BICD1: variants seen among roughly 807,000 people sequenced by gnomAD.
The protein encoded by BICD1 is protein bicaudal D homolog 1.
BICD1 carries 35 observed loss-of-function variants against 92.5 expected under a neutral mutation model. The ratio of observed to expected loss-of-function variants is 0.38; its 90% CI spans 0.29 to 0.50. The LOEUF (loss-of-function observed/expected upper bound fraction) is 0.50. Among genes scored for constraint, BICD1 ranks in the 20% least tolerant of loss-of-function variants. The pLI is 0.93. For missense variants in BICD1, 950 were observed against 1,189.8 expected (o/e 0.80, Z 2.97); for synonymous variants, 429 against 465.1 (o/e 0.92, Z 1.00).
chr12:32,372,530 A>G (rs150402320), intron 9 of BICD1, among the ~76,000 whole-genome samples: 19 of 152,330 alleles, frequency 1.2e-4, no homozygotes, highest in Admixed American at 3.9e-4. Flanking sequence ...ATATTCAAAC[A>G]GCTTTTAAGG....
At chr12:32,284,552 G>A (rs1199579468) in intron 2 of BICD1, among the ~76,000 whole-genome samples, 1 of 152,074 alleles carries the variant, frequency 6.6e-6, no homozygotes, top group East Asian at 1.9e-4. Context: ...CTTCTCTCAT[G>A]TTGGGCATTG....
At position 32,216,276 on chromosome 12, in the gene BICD1, G is replaced by A. The variant is rs759711369; in HGVS notation, c.243G>A (p.Arg81=). 1.1e-5 allele frequency: 17 copies of A among 1,613,814 alleles called. No individual in the cohort carries two copies. Among genetic ancestry groups the A allele is most frequent in the Non-Finnish European group, 1.4e-5 (16 of 1,179,994 alleles). ...TTGGGCAGTCCTTCTCCATCCACCG[G>A]AAGGTTGCTGAAGATGGAGAGACTC... The part of the protein sequence containing the change: ...EAFGQSFSIH[R]KVAEDGETRE... The change falls in exon 2 of 10, where the codon CGG becomes CGA. Residue 81 remains arginine (R), a synonymous_variant. Transcript: ENST00000652176.
chr12:32,187,750 G>A lies in BICD1; in HGVS notation c.214-28497G>A, dbSNP rs74803427. ...GGGACTCCAAAAGAAGGACAAAGATGTAAGAACTACCTATTGGGTACTATG... is the reference window on the plus strand; with the variant it reads ...GGGACTCCAAAAGAAGGACAAAGATATAAGAACTACCTATTGGGTACTATG... On this transcript the variant is annotated intron_variant, in intron 1 of 9. Coordinates refer to ENST00000652176, the MANE Select transcript of BICD1 (RefSeq NM_001714.4). Among the ~76,000 whole-genome samples, 4 of 152,324 alleles carry A rather than the reference G, an allele frequency of 2.6e-5. No individual in the cohort carries two copies. In the East Asian group the frequency reaches 7.7e-4, roughly 29 times the overall value.
intron 1 of BICD1, among the ~76,000 whole-genome samples, chr12:32,215,186 A>G (rs890453311): frequency 8.6e-5 from 13 of 151,798 alleles, no homozygotes; most frequent in East Asian, 3.9e-4. Context: ...CCGAGATCAT[A>G]CCACTGCATT....
At position 32,348,737 on chromosome 12, in the gene BICD1, T is replaced by A. The variant is rs1397620107; in HGVS notation, c.2764+9758T>A. On this transcript the variant is annotated intron_variant, in intron 8 of 9. Coordinates refer to ENST00000652176, the MANE Select transcript of BICD1 (RefSeq NM_001714.4). ...GCTCACACAAAAATATATATATATA[T>A]ATATATATATATATATATATATATA... 8.1e-3 allele frequency among the ~76,000 whole-genome samples: 75 copies of A among 9,212 alleles called. 1 individual carries two copies. Among genetic ancestry groups the A allele is most frequent in the South Asian group, 0.016 (4 of 244 alleles). 6.0% of individuals were successfully genotyped at this position (9,212 alleles called of 152,430 possible). A position where few individuals can be genotyped will look rare whatever the true frequency, so the allele number is the denominator to read the frequency against.
chr12:32,139,627 A>G (rs1565541423), intron 1 of BICD1, among the ~76,000 whole-genome samples: 3 of 152,124 alleles, frequency 2.0e-5, no homozygotes, highest in Admixed American at 2.0e-4. Context: ...CAGTGGTGCA[A>G]TCTCGGCTCA....
At chr12:32,314,530 G>A (rs1244823979) in intron 4 of BICD1, among the ~76,000 whole-genome samples, 2 of 152,270 alleles carry the variant, frequency 1.3e-5, no homozygotes, top group East Asian at 3.9e-4. Context: ...TGGCTATGAT[G>A]TTGAGCATCT....
intron 1 of BICD1, among the ~76,000 whole-genome samples, chr12:32,199,754 T>G (rs752474640): frequency 2.2e-4 from 34 of 152,186 alleles, no homozygotes; most frequent in Non-Finnish European, 1.9e-4. Flanking sequence ...ACCCTTATTA[T>G]GTCTCCTGCT....
At chr12:32,311,333 T>TAA (rs139252484) in intron 4 of BICD1, among the ~76,000 whole-genome samples, 2 of 151,652 alleles carry the variant, frequency 1.3e-5, no homozygotes, top group Non-Finnish European at 2.9e-5. Flanking sequence ...CCATCTCTAC[T>TAA]AAAAAAAATA....
rs761031369 is a variant in BICD1 at position 32,367,671 on chromosome 12, T to C, written c.2766T>C (p.Asp922=). The C allele has an allele frequency of 1.8e-5, 29 of 1,613,774 alleles. No homozygotes were observed. Among genetic ancestry groups the C allele is most frequent in the Non-Finnish European group, 2.4e-5 (28 of 1,179,998 alleles). Reference sequence around the variant, plus strand: ...GTCTAATTTATCAGTTTCTTGTAGATTGTCAGCAGCCTGCTGCCTCCGTAC... The same window carrying C: ...GTCTAATTTATCAGTTTCTTGTAGACTGTCAGCAGCCTGCTGCCTCCGTAC... ...KEKRLTVAPP[D]CQQPAASVPP... is the part of the protein sequence containing the mutation. The change falls in exon 9 of 10, where the codon GAT becomes GAC. Residue 922 remains aspartate, a splice_region_variant and synonymous_variant. Coordinates refer to ENST00000652176, the MANE Select transcript of BICD1 (RefSeq NM_001714.4).
At position 32,306,094 on chromosome 12, in the gene BICD1, T is replaced by C. The variant is rs1338439196; in HGVS notation, c.977T>C (p.Ile326Thr). 2.5e-6 allele frequency: 4 copies of C among 1,605,208 alleles called. No homozygotes were observed. Among genetic ancestry groups the C allele is most frequent in the Admixed American group, 1.7e-5 (1 of 57,754 alleles). Residue 326 changes from isoleucine (I) to threonine (T), a missense_variant, in exon 4 of 10, where the codon ATA becomes ACA. Around this residue, in one of 5 missense-constraint regions of BICD1, gnomAD observed 246 missense variants for 258.4 expected, o/e 0.95. Coordinates refer to ENST00000652176, the MANE Select transcript of BICD1 (RefSeq NM_001714.4). ...TTCAGTGAGCTGAACATTTCAGAAA[T>C]ACAGAAGTTGAAGCAGCAGCTTATG... ...DLFSELNISE[I>T]QKLKQQLMQV... is the part of the protein sequence containing the mutation.
At chr12:32,341,065 A>C (rs1283713979) in intron 8 of BICD1, among the ~76,000 whole-genome samples, 1 of 152,238 alleles carries the variant, frequency 6.6e-6, no homozygotes, top group Non-Finnish European at 1.5e-5. Flanking sequence ...CACACTGTGC[A>C]CATCTTACAA....
intron 1 of BICD1, among the ~76,000 whole-genome samples, chr12:32,151,403 A>G (rs1451583774): frequency 6.6e-6 from 1 of 152,210 alleles, no homozygotes; most frequent in Non-Finnish European, 1.5e-5. Context: ...AATTACTTGC[A>G]TGCAATATGA....
At chr12:32,173,230 A>C (rs767052082) in intron 1 of BICD1, among the ~76,000 whole-genome samples, 8 of 151,982 alleles carry the variant, frequency 5.3e-5, no homozygotes, top group African/African-American at 9.7e-5. Flanking sequence ...GTTTGTTTTT[A>C]GTAGAGATGG....
In BICD1 at chr12:32,317,520, T is replaced by G. The variant is rs200617635; in HGVS notation, c.1006-9941T>G. The stretch of plus-strand genomic sequence containing the variant: ...TAAATGTCTTCTTTTGAGAAGTGTC[T>G]GTTCATATCCTGCACCCACTTTTTG... On this transcript the variant is annotated intron_variant, in intron 4 of 9. Transcript: ENST00000652176. Among the ~76,000 whole-genome samples the G allele has an allele frequency of 7.4e-4, 112 of 152,350 alleles. 1 individual carries two copies. In the East Asian group the frequency reaches 0.017, roughly 24 times the overall value.
At chr12:32,341,588 G>A (rs1408935071) in intron 8 of BICD1, among the ~76,000 whole-genome samples, 3 of 152,050 alleles carry the variant, frequency 2.0e-5, no homozygotes, top group Non-Finnish European at 2.9e-5. Context: ...TTTATGTAAA[G>A]TTAAAATAAT....
chr12:32,197,353 A>G (rs1944758002), intron 1 of BICD1, among the ~76,000 whole-genome samples: 1 of 152,124 alleles, frequency 6.6e-6, no homozygotes, highest in South Asian at 2.1e-4. Context: ...TTGAATTTCA[A>G]TTCTTATTCT....
chr12:32,113,516 G>A (rs985451895), intron 1 of BICD1, among the ~76,000 whole-genome samples: 4 of 151,660 alleles, frequency 2.6e-5, no homozygotes, highest in Admixed American at 2.6e-4. Flanking sequence ...CTCCCAAGGA[G>A]CTGGGAATAC....
At position 32,351,487 on chromosome 12, in the gene BICD1, C is replaced by CAA. The variant is rs35002678; in HGVS notation, c.2764+12531_2764+12532dup. On this transcript the variant is annotated intron_variant, in intron 8 of 9. Coordinates refer to ENST00000652176, the MANE Select transcript of BICD1 (RefSeq NM_001714.4). ...TGGGCAACAGAGCAAGACTCTGTCT[C>CAA]AAAAAAAAAAAAAAAAAAAAAAAAG... is the stretch of plus-strand genomic sequence containing the variant. Among the ~76,000 whole-genome samples the CAA allele has an allele frequency of 4.9e-3, 279 of 57,024 alleles. 4 individuals are homozygous for CAA. Among genetic ancestry groups the CAA allele is most frequent in the Middle Eastern group, 0.016 (1 of 62 alleles). 37.4% of individuals were successfully genotyped at this position (57,024 alleles called of 152,430 possible).
Sources: allele counts gnomAD v4.1 joint callset (sites outside exome capture counted in the v4.1 genomes callset), GRCh38; gene constraint gnomAD v4.1.1; regional missense constraint gnomAD v4.1.1; transcripts MANE v1.5; gene names NCBI Gene and HGNC (gene_info 2026-07-23, HGNC 2026-07-21).